CCNL1: variants seen among roughly 807,000 people sequenced by gnomAD.
The protein encoded by CCNL1 is cyclin L1.
CCNL1 carries 13 observed loss-of-function variants against 60.6 expected under a neutral mutation model. The observed-to-expected ratio is 0.21, with a 90% CI of 0.14 to 0.34. The LOEUF is 0.34. Among genes scored for constraint, CCNL1 ranks in the 10% least tolerant of loss-of-function variants. The pLI is 1.00. For missense variants in CCNL1, 481 were observed against 664.3 expected, an observed-to-expected ratio of 0.72 and a Z score of 3.03; for synonymous variants, 270 against 244.3, an observed-to-expected ratio of 1.10 and a Z score of -0.98.
intron 8 of CCNL1, 86 bp from the exon 9 acceptor site, chr3:157,149,682 T>C (rs1307770165): frequency 4.8e-6 from 7 of 1,464,778 alleles, no homozygotes; most frequent in African/African-American, 1.4e-5. Flanking sequence ...CAAAGTACCA[T>C]GCTTCCGCTT....
At chr3:157,159,330 T>G in intron 2 of CCNL1, 75 bp downstream of exon 2, 1 of 1,373,566 alleles carries the variant, frequency 7.3e-7, no homozygotes, top group Non-Finnish European at 1.0e-6. Flanking sequence ...CTGGAAAAGC[T>G]GGCTGCTGAC....
Position 157,159,999 on chromosome 3 carries a change from C to G in CCNL1, c.96G>C (p.Thr32=). 2 of 1,575,626 alleles carry G rather than the reference C, an allele frequency of 1.3e-6. No individual in the cohort carries two copies. Among genetic ancestry groups the G allele is most frequent in the Non-Finnish European group, 8.6e-7 (1 of 1,161,006 alleles). ...AGGSSSGTTT[T]TTTTTGGILI... is the part of the protein sequence containing the mutation. ...GGATCCCTCCCGTCGTGGTCGTCGT[C>G]GTGGTCGTCGTCCCGGAGCTGGAGC... The change falls in exon 1 of 11, where the codon ACG becomes ACC. Residue 32 remains threonine, a synonymous_variant. Transcript: ENST00000295926.
At chr3:157,145,109 G>C (rs76174256), downstream of CCNL1, among the ~76,000 whole-genome samples, 7,098 of 152,128 alleles carry the variant, frequency 0.047, 236 homozygotes, top group South Asian at 0.11. Flanking sequence ...AAGGACAAAT[G>C]TAATGTTCTA....
chr3:157,157,132 A>G (rs770075947), intron 3 of CCNL1: 53 of 1,286,006 alleles, frequency 4.1e-5, no homozygotes, highest in Non-Finnish European at 5.3e-5. Context: ...AATAACATAT[A>G]CAAGTTACGT....
chr3:157,156,064 A>G (rs1738598385), intron 3 of CCNL1, among the ~76,000 whole-genome samples: 1 of 152,254 alleles, frequency 6.6e-6, no homozygotes, highest in South Asian at 2.1e-4. Flanking sequence ...TAATTGACAT[A>G]TAACTCAACA....
At chr3:157,159,695 G>T in intron 1 of CCNL1, 97 bp downstream of exon 1, 1 of 1,223,188 alleles carries the variant, frequency 8.2e-7, no homozygotes, top group Non-Finnish European at 1.1e-6. Context: ...TGAAGGAACC[G>T]TCCCCACCCT....
downstream of CCNL1, among the ~76,000 whole-genome samples, chr3:157,145,437 C>CAAAAAAAAAAAAAAAAAAAAAAAAAAA (rs56894231): frequency 2.1e-4 from 5 of 24,268 alleles, no homozygotes; most frequent in Admixed American, 7.9e-4. Context: ...GACTTCATCT[C>CAAAAAAAAAAAAAAAAAAAAAAAAAAA]AAAAAAAAAA....
chr3:157,158,624 C>A (rs541861144), intron 3 of CCNL1: 14 of 323,644 alleles, frequency 4.3e-5, no homozygotes, highest in African/African-American at 3.1e-4. Context: ...CCTGGCTTCA[C>A]AGCACTGTTA....
intron 2 of CCNL1, 63 bp downstream of exon 2, chr3:157,159,342 C>G: frequency 4.7e-6 from 7 of 1,480,660 alleles, no homozygotes; most frequent in South Asian, 3.5e-5. Flanking sequence ...GCTGCTGACA[C>G]TACCCCTACT....
Position 157,159,408 on chromosome 3 carries a change from G to A in CCNL1, c.375C>T (p.Phe125=), listed in dbSNP as rs1198428878. ...FYSKSFVKHS[F]EIVAMACINL... ...TACCCGCCTCCGCTGTGCTTACCTCGAAACTGTGTTTGACGAAAGATTTGG... is the reference window on the plus strand; with the variant it reads ...TACCCGCCTCCGCTGTGCTTACCTCAAAACTGTGTTTGACGAAAGATTTGG... Residue 125 remains phenylalanine, a synonymous_variant, in exon 2 of 11, where the codon TTC becomes TTT. Transcript: ENST00000295926. 1.2e-6 allele frequency: 2 copies of A among 1,614,070 alleles called. No individual in the cohort carries two copies. Among genetic ancestry groups the A allele is most frequent in the Non-Finnish European group, 1.7e-6 (2 of 1,179,948 alleles).
chr3:157,152,314 T>G (rs1738254167), intron 4 of CCNL1, 73 bp from the exon 5 acceptor site: 9 of 1,559,322 alleles, frequency 5.8e-6, no homozygotes, highest in Non-Finnish European at 7.8e-6. Context: ...ATGAAAAAAG[T>G]AATTGAAAAT....
intron 3 of CCNL1, chr3:157,158,617 G>A (rs1300046570): frequency 3.3e-6 from 1 of 301,556 alleles, no homozygotes; most frequent in South Asian, 4.1e-5. Context: ...CCACAGGCCT[G>A]GCTTCACAGC....
chr3:157,150,003 T>C, intron 7 of CCNL1, 26 bp from the exon 8 acceptor site: 3 of 1,612,024 alleles, frequency 1.9e-6, no homozygotes, highest in East Asian at 4.5e-5. Flanking sequence ...AAAGTTAGTA[T>C]TTCTTCCTTA....
chr3:157,150,792 CA>C, intron 5 of CCNL1: 1 of 990,312 alleles, frequency 1.0e-6, no homozygotes, highest in Non-Finnish European at 1.2e-6. Context: ...AAAGCAGTGT[CA>C]ACCAAGTTCT....
At position 157,147,632 on chromosome 3, in the gene CCNL1, T is replaced by C; in HGVS notation, c.*609A>G. The C allele has an allele frequency of 1.0e-6, 1 of 985,224 alleles. No homozygotes were observed. Among genetic ancestry groups the C allele is most frequent in the Non-Finnish European group, 1.2e-6 (1 of 829,736 alleles). The allele number at this position is 985,224 out of a possible 1,614,324, so 61.0% of individuals were successfully genotyped here. On this transcript the variant is annotated 3_prime_UTR_variant, in exon 11 of 11. Transcript: ENST00000295926. The stretch of plus-strand genomic sequence containing the variant: ...CCATTTACTTTTTCCATATATACAG[T>C]GAAGACTTACAATAGCTCACAATGC...
chr3:157,152,431 A>G (rs1281736137), intron 4 of CCNL1, 190 bp from the exon 5 acceptor site: 1 of 1,285,058 alleles, frequency 7.8e-7, no homozygotes, highest in African/African-American at 1.6e-5. Context: ...AATTATGTTT[A>G]GAAGCATATT....
chr3:157,153,001 AC>A (rs752023277), intron 4 of CCNL1, 34 bp downstream of exon 4: 1 of 1,606,912 alleles, frequency 6.2e-7, no homozygotes, highest in Non-Finnish European at 8.5e-7. Context: ...AAGTCCTAAT[AC>A]TTACGAACCC....
intron 5 of CCNL1, 114 bp downstream of exon 5, chr3:157,152,063 C>A (rs1738237245): frequency 2.0e-6 from 3 of 1,491,244 alleles, no homozygotes; most frequent in Admixed American, 5.1e-5. Flanking sequence ...AACAAAAAAA[C>A]AACGAAAAGC....
downstream of CCNL1, among the ~76,000 whole-genome samples, chr3:157,146,125 G>A (rs1177016549): frequency 6.6e-6 from 1 of 152,204 alleles, no homozygotes; most frequent in Non-Finnish European, 1.5e-5. Context: ...GTGGGAGGTG[G>A]AGTGGTGAAC....
Sources: allele counts gnomAD v4.1 joint callset (sites outside exome capture counted in the v4.1 genomes callset), GRCh38; gene constraint gnomAD v4.1.1; transcripts MANE v1.5; gene names NCBI Gene and HGNC (gene_info 2026-07-23, HGNC 2026-07-21).